The following BACH2 variants were observed in gnomAD, a reference collection of about 807,000 sequenced individuals.
BACH2 encodes BACH transcriptional regulator 2.
BACH2 carries 5 observed loss-of-function variants against 61.8 expected under a neutral mutation model. The ratio of observed to expected loss-of-function variants is 0.08; its 90% CI spans 0.04 to 0.17. The LOEUF (loss-of-function observed/expected upper bound fraction) is 0.17. BACH2 is among the 10% of genes least tolerant of loss of function. The probability of loss-of-function intolerance (pLI) is 1.00; values close to 1 mark genes in which losing one functional copy is unlikely to be tolerated. For synonymous variants in BACH2, 446 were observed against 440.1 expected, an observed-to-expected ratio of 1.01 and a Z score of -0.17; for missense variants, 824 against 1,091.1, an observed-to-expected ratio of 0.76 and a Z score of 3.45.
At chr6:90,043,511 C>T (rs112887931) in intron 5 of BACH2, among the ~76,000 whole-genome samples, 1,702 of 148,090 alleles carry the variant, frequency 0.011, 9 homozygotes, top group Non-Finnish European at 0.017. Context: ...TCCCTTCCTC[C>T]CTCCCTTCCT....
At chr6:90,268,120 T>A (rs1771403663) in intron 2 of BACH2, among the ~76,000 whole-genome samples, 1 of 151,616 alleles carries the variant, frequency 6.6e-6, no homozygotes, top group East Asian at 1.9e-4. Context: ...GCAATTCTCA[T>A]GCCTCAGCCT....
chr6:89,951,827 A>G lies in BACH2; in HGVS notation c.279T>C (p.Phe93=). ...TGAGTAACAGCTTGGCAGTGTAGGC[A>G]AACTGTAACAGCGGCCCAAAGCCCC... The part of the protein sequence containing the change: ...TARGFGPLLQ[F]AYTAKLLLSR... Residue 93 remains phenylalanine (F), a synonymous_variant, in exon 7 of 9, where the codon TTT becomes TTC. Coordinates refer to ENST00000257749, the MANE Select transcript of BACH2 (RefSeq NM_021813.4). This position sits in a 1 kb window ranked among gnomAD's most constrained non-coding sequence, Gnocchi z 6.4. 1 of 1,613,928 alleles carries G rather than the reference A, an allele frequency of 6.2e-7. No homozygotes were observed. Among genetic ancestry groups the G allele is most frequent in the Non-Finnish European group, 8.5e-7 (1 of 1,179,768 alleles).
chr6:90,155,307 G>A (rs1342610799), intron 4 of BACH2, among the ~76,000 whole-genome samples: 1 of 152,206 alleles, frequency 6.6e-6, no homozygotes, highest in East Asian at 1.9e-4. Context: ...TCTTGGTCTT[G>A]TAAGAAGGGA....
chr6:90,057,169 T>C (rs1394416189), intron 5 of BACH2, among the ~76,000 whole-genome samples: 1 of 151,704 alleles, frequency 6.6e-6, no homozygotes, highest in Non-Finnish European at 1.5e-5. Context: ...CTTCAAAAAA[T>C]GAATGAATCC....
intron 3 of BACH2, among the ~76,000 whole-genome samples, chr6:90,236,014 G>T (rs1770250851): frequency 6.6e-6 from 1 of 152,242 alleles, no homozygotes; most frequent in Non-Finnish European, 1.5e-5. Flanking sequence ...ATTCACCAGG[G>T]CTATGCCCTT....
At chr6:90,159,739 AT>A (rs1306557472) in intron 4 of BACH2, among the ~76,000 whole-genome samples, 2 of 152,228 alleles carry the variant, frequency 1.3e-5, no homozygotes, top group African/African-American at 4.8e-5. Flanking sequence ...AGTAAATCTA[AT>A]TCAATAAGCT....
chr6:90,173,314 T>A (rs1037934690), intron 4 of BACH2, among the ~76,000 whole-genome samples: 1 of 152,090 alleles, frequency 6.6e-6, no homozygotes, highest in African/African-American at 2.4e-5. Flanking sequence ...CTGATTGAAT[T>A]AAAAAATAGA....
intron 4 of BACH2, among the ~76,000 whole-genome samples, chr6:90,169,430 C>A (rs1767739288): frequency 6.6e-6 from 1 of 152,168 alleles, no homozygotes; most frequent in Admixed American, 6.5e-5. Context: ...CTGACCCCCT[C>A]CCTGATACTT....
At chr6:90,132,530 TCA>T (rs1383721178) in intron 4 of BACH2, among the ~76,000 whole-genome samples, 2 of 152,196 alleles carry the variant, frequency 1.3e-5, no homozygotes, top group East Asian at 3.9e-4. Flanking sequence ...CACCAACATC[TCA>T]CAGATTACTC....
chr6:89,993,398 G>A (rs1776681869), intron 6 of BACH2, among the ~76,000 whole-genome samples: 1 of 151,968 alleles, frequency 6.6e-6, no homozygotes, highest in South Asian at 2.1e-4. Flanking sequence ...TGTATCCTCA[G>A]TCTGATAAAC....
At chr6:90,046,945 T>TTTCTTTC (rs1779808727) in intron 5 of BACH2, among the ~76,000 whole-genome samples, 2 of 114,328 alleles carry the variant, frequency 1.7e-5, no homozygotes, top group African/African-American at 3.1e-5. Context: ...TTCTTTCTTT[T>TTTCTTTC]TTTGAGACAG....
chr6:90,089,625 C>T (rs1052783152), intron 4 of BACH2, among the ~76,000 whole-genome samples: 1 of 151,904 alleles, frequency 6.6e-6, no homozygotes, highest in Admixed American at 6.6e-5. Context: ...TTAATACATG[C>T]TTATTGTAGA....
Position 90,146,421 on chromosome 6 carries a change from A to G in BACH2, c.-161-57312T>C, listed in dbSNP as rs554588614. The stretch of plus-strand genomic sequence containing the variant: ...CCAGTGGTGTCTGTCCTCAAGGACC[A>G]AAGTTGATTATTCTATACGATTCTG... On this transcript the variant is annotated intron_variant, in intron 4 of 8. Coordinates refer to ENST00000257749, the MANE Select transcript of BACH2 (RefSeq NM_021813.4). Among the ~76,000 whole-genome samples the G allele has an allele frequency of 3.1e-4, 48 of 152,382 alleles. No homozygotes were observed. In the South Asian group the frequency reaches 9.7e-3, roughly 31 times the overall value.
intron 6 of BACH2, among the ~76,000 whole-genome samples, chr6:90,004,991 G>A (rs1051614594): frequency 4.6e-5 from 7 of 151,862 alleles, no homozygotes; most frequent in African/African-American, 1.7e-4. Context: ...TTTTAAAAAC[G>A]CAAGATAATT....
chr6:89,970,916 A>T (rs1775323026), intron 6 of BACH2, among the ~76,000 whole-genome samples: 1 of 152,262 alleles, frequency 6.6e-6, no homozygotes, highest in Admixed American at 6.5e-5. Context: ...CAAATGCCTC[A>T]AAAAATATAT....
intron 6 of BACH2, among the ~76,000 whole-genome samples, chr6:89,994,915 G>A (rs550187753): frequency 6.6e-6 from 1 of 152,260 alleles, no homozygotes; most frequent in South Asian, 2.1e-4. Flanking sequence ...ATGGCTCTTC[G>A]TATGTACACA....
intron 5 of BACH2, among the ~76,000 whole-genome samples, chr6:90,063,815 G>A (rs1213036021): frequency 6.6e-6 from 1 of 152,006 alleles, no homozygotes; most frequent in Non-Finnish European, 1.5e-5. Flanking sequence ...TATCTGAACT[G>A]GATTTAATAT....
intron 5 of BACH2, among the ~76,000 whole-genome samples, chr6:90,057,920 CA>C (rs1475606324): frequency 7.9e-5 from 12 of 152,206 alleles, no homozygotes; most frequent in Admixed American, 7.9e-4. Flanking sequence ...CAAAATTCAA[CA>C]ATGCTTCATG....
At chr6:90,267,459 G>T (rs1771374724) in intron 2 of BACH2, among the ~76,000 whole-genome samples, 1 of 152,168 alleles carries the variant, frequency 6.6e-6, no homozygotes, top group Admixed American at 6.5e-5. Flanking sequence ...ATATTTTGCA[G>T]GTGTGACTCT....
Sources: allele counts gnomAD v4.1 joint callset (sites outside exome capture counted in the v4.1 genomes callset), GRCh38; gene constraint gnomAD v4.1.1; non-coding constraint Gnocchi (gnomAD v3.1); transcripts MANE v1.5; gene names NCBI Gene and HGNC (gene_info 2026-07-23, HGNC 2026-07-21).